The following MAN2A2 variants were observed in gnomAD, a reference collection of about 807,000 sequenced individuals.
The protein encoded by MAN2A2 is mannosidase alpha class 2A member 2, also known as alpha-mannosidase 2x.
A neutral mutation model predicts 126.8 loss-of-function variants in MAN2A2; 79 were observed. The observed-to-expected ratio is 0.62, with a 90% CI of 0.52 to 0.75. The LOEUF is 0.75. MAN2A2 is among the 30% of genes least tolerant of loss of function. The probability of loss-of-function intolerance (pLI) is 0.00; values close to 1 mark genes in which losing one functional copy is unlikely to be tolerated. For synonymous variants in MAN2A2, 671 were observed against 618.7 expected (o/e 1.08, Z -1.25); for missense variants, 1,392 against 1,522.4 (o/e 0.91, Z 1.43).
In MAN2A2 at chr15:90,906,824, C is replaced by G. The variant is rs1234557286; in HGVS notation, c.920C>G (p.Thr307Ser). The change falls in exon 7 of 23, where the codon ACC (threonine) becomes AGC (serine). Residue 307 changes from threonine (T) to serine (S), a missense_variant. Thr to Ser is a moderately conservative substitution (Grantham distance 58). Coordinates refer to ENST00000559717, the MANE Select transcript of MAN2A2 (RefSeq NM_006122.4). ...MPYLLRRANL[T>S]SMLIQRVHYA... ...TACCTGCTGCGCCGTGCCAACCTCA[C>G]CAGCATGCTGATTCAGAGAGTGCAC... 3.1e-5 allele frequency: 50 copies of G among 1,613,966 alleles called. No homozygotes were observed. The highest frequency in any genetic ancestry group is 4.2e-5 in the Non-Finnish European group (49 of 1,180,016).
chr15:90,913,063 G>C (rs112797749), intron 17 of MAN2A2, 72 bp downstream of exon 17: 2 of 1,316,052 alleles, frequency 1.5e-6, no homozygotes, highest in African/African-American at 1.5e-5. Context: ...TCTTCCTTCT[G>C]CTGCTTCTCT....
chr15:90,904,354 G>C lies in MAN2A2; in HGVS notation c.132+15G>C. ...ACTTCCCCCGGGTGAGTCGTGCCTG[G>C]TTGCTAATTTCTTTGTATACAAGTC... On this transcript the variant is annotated intron_variant, in intron 2 of 22. Coordinates refer to ENST00000559717, the MANE Select transcript of MAN2A2 (RefSeq NM_006122.4). 6.8e-6 allele frequency: 11 copies of C among 1,611,190 alleles called. No individual in the cohort carries two copies. Among genetic ancestry groups the C allele is most frequent in the Non-Finnish European group, 8.5e-6 (10 of 1,177,876 alleles).
chr15:90,902,588 G>C (rs1019243642), upstream of MAN2A2: 2 of 152,148 alleles, frequency 1.3e-5, no homozygotes, highest in African/African-American at 2.4e-5. Flanking sequence ...GGCCAGGCCC[G>C]GCCCGGGCTG....
rs963221352 is a variant in MAN2A2 at position 90,905,248 on chromosome 15, C to T, written c.133-3C>T. The T allele has an allele frequency of 1.2e-6, 2 of 1,610,580 alleles. No homozygotes were observed. The highest frequency in any genetic ancestry group is 2.7e-5 in the African/African-American group (2 of 74,854). On this transcript the variant is annotated splice_region_variant and splice_polypyrimidine_tract_variant and intron_variant, in intron 2 of 22. Transcript: ENST00000559717. ...GTGTGATTGCTTTCTGGTTTTTTGG[C>T]AGAGCCAAATTTCTGTGCTGCAGAA...
rs2034849215 is a variant in MAN2A2, at chr15:90,912,671, T to A, written c.2469+7T>A. On this transcript the variant is annotated splice_region_variant and intron_variant, in intron 16 of 22. Transcript: ENST00000559717. ...GCCCGATGGCGAGGCCAAGGTATCC[T>A]AAAGATGCCTTGAACAACCTGGCAG... 3.7e-6 allele frequency: 6 copies of A among 1,613,938 alleles called. No individual in the cohort carries two copies. The highest frequency in any genetic ancestry group is 5.1e-6 in the Non-Finnish European group (6 of 1,179,964).
rs1288298366 is a variant in MAN2A2 at position 90,906,825 on chromosome 15, C to T, written c.921C>T (p.Thr307=). The change falls in exon 7 of 23, where the codon ACC becomes ACT. Residue 307 remains threonine (T), a synonymous_variant. Transcript: ENST00000559717. ...MPYLLRRANL[T]SMLIQRVHYA... ...ACCTGCTGCGCCGTGCCAACCTCAC[C>T]AGCATGCTGATTCAGAGAGTGCACT... 16 of 1,614,106 alleles carry T rather than the reference C, an allele frequency of 9.9e-6. No individual in the cohort carries two copies. The highest frequency in any genetic ancestry group is 1.2e-5 in the Non-Finnish European group (14 of 1,180,004).
chr15:90,911,129 G>A (rs1257701750), intron 12 of MAN2A2, 42 bp from the exon 13 acceptor site: 4 of 1,605,186 alleles, frequency 2.5e-6, no homozygotes, highest in Non-Finnish European at 3.4e-6. Context: ...GGAGGAGGCT[G>A]AGCCCATGAT....
chr15:90,909,767 C>A (rs572939247), intron 9 of MAN2A2, among the ~76,000 whole-genome samples: 42 of 152,312 alleles, frequency 2.8e-4, no homozygotes, highest in African/African-American at 1.0e-3. Context: ...TCACACCCAG[C>A]TAATTTTTTG....
intron 18 of MAN2A2, 23 bp downstream of exon 18, chr15:90,913,429 G>A (rs571119209): frequency 3.2e-5 from 50 of 1,579,238 alleles, no homozygotes; most frequent in East Asian, 6.7e-5. Context: ...CCTGGGTCTC[G>A]GAGACCCCAC....
chr15:90,910,593 C>T lies in MAN2A2; in HGVS notation c.1670C>T (p.Thr557Met), dbSNP rs779165316. ...RYPLSDFTLL[T>M]EARRTLGLFQ... is the part of the protein sequence containing the mutation. ...CCACTGTCTGATTTCACCCTCCTGA[C>T]GGAAGCTCGGCGCACATTGGGGCTC... is the stretch of plus-strand genomic sequence containing the variant. Residue 557 changes from threonine to methionine, a missense_variant, in exon 11 of 23, where the codon ACG becomes ATG. Coordinates refer to ENST00000559717, the MANE Select transcript of MAN2A2 (RefSeq NM_006122.4). The T allele has an allele frequency of 4.0e-5, 64 of 1,614,040 alleles. No individual in the cohort carries two copies. Among genetic ancestry groups the T allele is most frequent in the East Asian group, 8.9e-5 (4 of 44,892 alleles).
intron 13 of MAN2A2, 45 bp from the exon 14 acceptor site, chr15:90,911,340 G>A: frequency 6.2e-7 from 1 of 1,613,328 alleles, no homozygotes; most frequent in Non-Finnish European, 8.5e-7. Flanking sequence ...GCTTGCCCTG[G>A]TCGGAAGCAG....
chr15:90,913,314 A>G lies in MAN2A2; in HGVS notation c.2626A>G (p.Ile876Val). The G allele has an allele frequency of 6.2e-7, 1 of 1,614,058 alleles. No individual in the cohort carries two copies. The highest frequency in any genetic ancestry group is 1.3e-5 in the African/African-American group (1 of 75,032). ...LSLDISSLVDIRDYVNKELAL... is the reference protein window; with the variant it reads ...LSLDISSLVDVRDYVNKELAL... ...TCTGGACATATCATCCCTGGTGGAC[A>G]TCCGGGACTACGTCAACAAGGAGCT... The change falls in exon 18 of 23, where the codon ATC (isoleucine) becomes GTC (valine). Residue 876 changes from isoleucine to valine, a missense_variant. By Grantham distance (29) the Ile-to-Val change is conservative. Coordinates refer to ENST00000559717, the MANE Select transcript of MAN2A2 (RefSeq NM_006122.4).
intron 22 of MAN2A2, 77 bp from the exon 23 acceptor site, chr15:90,919,558 C>G: frequency 1.3e-6 from 2 of 1,548,088 alleles, no homozygotes; most frequent in Non-Finnish European, 1.8e-6. Flanking sequence ...AAAGAGGTAC[C>G]AAATTGTAGA....
At chr15:90,917,378 A>G (rs2035268700) in intron 20 of MAN2A2, among the ~76,000 whole-genome samples, 1 of 152,170 alleles carries the variant, frequency 6.6e-6, no homozygotes, top group Non-Finnish European at 1.5e-5. Context: ...CTAAGGAAAG[A>G]GCTGAGCAAG....
intron 7 of MAN2A2, 58 bp downstream of exon 7, chr15:90,906,971 A>C: frequency 6.3e-7 from 1 of 1,583,996 alleles, no homozygotes; most frequent in South Asian, 1.1e-5. Context: ...GGGGAACAGC[A>C]GGGATATCAG....
rs771315543 is a variant in MAN2A2 at position 90,918,428 on chromosome 15, T to A, written c.3189+40T>A. On this transcript the variant is annotated intron_variant, in intron 21 of 22. Coordinates refer to ENST00000559717, the MANE Select transcript of MAN2A2 (RefSeq NM_006122.4). Reference sequence around the variant, plus strand: ...GCGTGACATGCTGAGAGCAGAGTTCTGATGGTGTCCCTCCCTGCTCAGCTC... The same window carrying A: ...GCGTGACATGCTGAGAGCAGAGTTCAGATGGTGTCCCTCCCTGCTCAGCTC... 3.1e-6 allele frequency: 5 copies of A among 1,587,834 alleles called. No individual in the cohort carries two copies. In the South Asian group the frequency reaches 5.7e-5, roughly 18 times the overall value.
chr15:90,907,053 C>T, intron 7 of MAN2A2, 140 bp downstream of exon 7: 1 of 1,142,126 alleles, frequency 8.8e-7, no homozygotes. Flanking sequence ...TGGTCGCACC[C>T]TCTGGTTAGG....
At chr15:90,912,391 C>T in intron 15 of MAN2A2, 112 bp downstream of exon 15, 9 of 1,555,698 alleles carry the variant, frequency 5.8e-6, no homozygotes, top group Non-Finnish European at 7.9e-6. Flanking sequence ...ACCTGACCCA[C>T]AGTGGACCGG....
In MAN2A2 at chr15:90,909,222, G is replaced by C. The variant is rs2034531034; in HGVS notation, c.1197-105G>C. 7 of 1,144,006 alleles carry C rather than the reference G, an allele frequency of 6.1e-6. No homozygotes were observed. In the Admixed American group the frequency reaches 1.2e-4, roughly 20 times the overall value. 70.9% of individuals were successfully genotyped at this position (1,144,006 alleles called of 1,614,324 possible). On this transcript the variant is annotated intron_variant, in intron 8 of 22. Coordinates refer to ENST00000559717, the MANE Select transcript of MAN2A2 (RefSeq NM_006122.4). ...GTCTGTTTGCGCTGAACCACTCCTT[G>C]GTGGATGGGATGTCTTCTAGGGGCT... is the stretch of plus-strand genomic sequence containing the variant.
Sources: allele counts gnomAD v4.1 joint callset (sites outside exome capture counted in the v4.1 genomes callset), GRCh38; gene constraint gnomAD v4.1.1; transcripts MANE v1.5; gene names NCBI Gene and HGNC (gene_info 2026-07-23, HGNC 2026-07-21).